The following ATP9B variants were observed in gnomAD, a reference collection of about 807,000 sequenced individuals.
The protein encoded by ATP9B is ATPase phospholipid transporting 9B, also known as probable phospholipid-transporting ATPase IIB.
A neutral mutation model predicts 146.1 loss-of-function variants in ATP9B; 110 were observed. That is an observed-to-expected ratio of 0.75 (90% confidence interval 0.65 to 0.88). The LOEUF (loss-of-function observed/expected upper bound fraction) is 0.88. Among genes scored for constraint, ATP9B ranks in the 40% least tolerant of loss-of-function variants. ATP9B has a pLI of 0.00. For missense variants in ATP9B, 1,499 were observed against 1,496.4 expected (o/e 1.00, Z -0.03); for synonymous variants, 604 against 569.7 (o/e 1.06, Z -0.86).
At chr18:79,363,471 C>T (rs1399191784) in intron 26 of ATP9B, 8 of 152,392 alleles carry the variant, frequency 5.2e-5, no homozygotes, top group South Asian at 2.1e-4. Context: ...GATTGAGAGA[C>T]GTAAACAGAT....
chr18:79,155,996 T>TCA (rs1410299429), intron 7 of ATP9B, among the ~76,000 whole-genome samples: 32 of 152,036 alleles, frequency 2.1e-4, no homozygotes, highest in Non-Finnish European at 8.8e-5. Context: ...TCTCCTGACC[T>TCA]TGTGATCCAC....
chr18:79,154,570 A>G lies in ATP9B; in HGVS notation c.778+15A>G. ...AGAAAAAGCAGGTATTTTTACATTT[A>G]AAAAAACTTACCTAACTGTATATTA... On this transcript the variant is annotated intron_variant, in intron 7 of 29. Coordinates refer to ENST00000426216, the MANE Select transcript of ATP9B (RefSeq NM_198531.5). 1 of 1,507,318 alleles carries G rather than the reference A, an allele frequency of 6.6e-7. No homozygotes were observed. 93.4% of individuals were successfully genotyped at this position (1,507,318 alleles called of 1,614,324 possible).
chr18:79,226,970 A>G (rs2095741536), intron 11 of ATP9B, among the ~76,000 whole-genome samples: 2 of 151,914 alleles, frequency 1.3e-5, no homozygotes, highest in South Asian at 2.1e-4. Flanking sequence ...TGGGCACCAT[A>G]TACTAGGCAC....
rs147316668 is a variant in ATP9B, at chr18:79,157,396, C to CAAAAAAAAAAAAAAAAAAA, written c.778+2851_778+2869dup. Among the ~76,000 whole-genome samples the CAAAAAAAAAAAAAAAAAAA allele has an allele frequency of 2.9e-4, 14 of 48,588 alleles. 1 individual carries two copies. The highest frequency in any genetic ancestry group is 1.4e-3 in the East Asian group (1 of 700). 31.9% of individuals were successfully genotyped at this position (48,588 alleles called of 152,430 possible). ...GGGTGACGAGAGTGAAACTCCATCT[C>CAAAAAAAAAAAAAAAAAAA]AAAAAAAAAAAAAAAAAAAAAAAAA... On this transcript the variant is annotated intron_variant, in intron 7 of 29. Transcript: ENST00000426216.
At chr18:79,344,410 G>T in intron 21 of ATP9B, 56 bp downstream of exon 21, 1 of 1,519,592 alleles carries the variant, frequency 6.6e-7, no homozygotes. Context: ...GGCAAGGCTG[G>T]TCCCTGGCTG....
chr18:79,349,363 C>T (rs896209581), intron 25 of ATP9B, among the ~76,000 whole-genome samples: 9 of 152,190 alleles, frequency 5.9e-5, no homozygotes, highest in African/African-American at 2.2e-4. Context: ...TCACCTTGTC[C>T]CCACTTCATG....
chr18:79,141,219 C>T (rs553655625), intron 5 of ATP9B, among the ~76,000 whole-genome samples: 97 of 152,228 alleles, frequency 6.4e-4, no homozygotes, highest in African/African-American at 2.3e-3. Context: ...TCCCTTTGCT[C>T]GGCACTTCTC....
At chr18:79,338,440 C>T in intron 19 of ATP9B, among the ~76,000 whole-genome samples, 1 of 152,228 alleles carries the variant, frequency 6.6e-6, no homozygotes, top group East Asian at 1.9e-4. Context: ...ATCCCATCTC[C>T]CAGCAGGCAG....
At chr18:79,328,665 T>TA (rs1462828001) in intron 15 of ATP9B, among the ~76,000 whole-genome samples, 1 of 152,198 alleles carries the variant, frequency 6.6e-6, no homozygotes, top group Non-Finnish European at 1.5e-5. Context: ...GACACATTAA[T>TA]AGAGTTAATT....
intron 29 of ATP9B, among the ~76,000 whole-genome samples, chr18:79,376,871 G>A (rs1418601420): frequency 6.6e-6 from 1 of 151,862 alleles, no homozygotes; most frequent in Middle Eastern, 3.2e-3. Flanking sequence ...ATGTTTTGTT[G>A]TCTTTTTTGT....
rs1255121436 is a variant in ATP9B at position 79,153,164 on chromosome 18, C to T, written c.727-1340C>T. Among the ~76,000 whole-genome samples the T allele has an allele frequency of 2.6e-5, 4 of 152,108 alleles. No homozygotes were observed. In the East Asian group the frequency reaches 7.7e-4, roughly 29 times the overall value. On this transcript the variant is annotated intron_variant, in intron 6 of 29. Coordinates refer to ENST00000426216, the MANE Select transcript of ATP9B (RefSeq NM_198531.5). ...TGACAATCCATTTACCATTTATTAT[C>T]CATTTATTTACCATGGGTAGATAAG...
In ATP9B at chr18:79,298,315, G is replaced by T. The variant is rs531702111; in HGVS notation, c.1412-5289G>T. 1.6e-4 allele frequency among the ~76,000 whole-genome samples: 24 copies of T among 146,748 alleles called. 3 individuals are homozygous for T. Among genetic ancestry groups the T allele is most frequent in the Non-Finnish European group, 2.9e-4 (19 of 66,128 alleles). ...AGAAACCAATGGTGTATCTACACTT[G>T]CAGTGAATATGTGCCAGCTGAGATG... On this transcript the variant is annotated intron_variant, in intron 13 of 29. Transcript: ENST00000426216.
At chr18:79,219,567 C>A (rs73000202) in intron 11 of ATP9B, among the ~76,000 whole-genome samples, 1 of 151,924 alleles carries the variant, frequency 6.6e-6, no homozygotes, top group African/African-American at 2.4e-5. Flanking sequence ...TATAGAATTA[C>A]ATGGCCACCA....
Position 79,228,466 on chromosome 18 carries a change from A to G in ATP9B, c.1107+14428A>G, listed in dbSNP as rs1057392845. 6.6e-5 allele frequency among the ~76,000 whole-genome samples: 10 copies of G among 152,342 alleles called. No homozygotes were observed. The East Asian group carries it at 1.7e-3, about 26-fold the overall frequency. ...GCCTTCCTTTCTAAATCTGTTGTTC[A>G]GTAAACAAAATAATCCCTGTTTAAG... On this transcript the variant is annotated intron_variant, in intron 11 of 29. Coordinates refer to ENST00000426216, the MANE Select transcript of ATP9B (RefSeq NM_198531.5).
chr18:79,321,235 A>AC (rs2096714132), intron 15 of ATP9B, among the ~76,000 whole-genome samples: 1 of 152,238 alleles, frequency 6.6e-6, no homozygotes, highest in African/African-American at 2.4e-5. Flanking sequence ...TGTCCGTGGG[A>AC]ACCAGCCGTT....
chr18:79,245,640 C>A (rs2095941662), intron 11 of ATP9B, among the ~76,000 whole-genome samples: 1 of 147,870 alleles, frequency 6.8e-6, no homozygotes, highest in Non-Finnish European at 1.5e-5. Context: ...GGGTACCGCC[C>A]TACTGACTGA....
intron 15 of ATP9B, among the ~76,000 whole-genome samples, chr18:79,318,725 C>G (rs753915253): frequency 5.3e-5 from 8 of 152,300 alleles, no homozygotes; most frequent in African/African-American, 1.4e-4. Flanking sequence ...AATAAAAGTT[C>G]AGATATGTTT....
At chr18:79,090,076 A>G (rs1224281225) in intron 1 of ATP9B, among the ~76,000 whole-genome samples, 2 of 152,096 alleles carry the variant, frequency 1.3e-5, no homozygotes, top group Admixed American at 6.5e-5. Flanking sequence ...CTTTTGTTCC[A>G]TTGATGTTGA....
In ATP9B at chr18:79,126,253, A is replaced by G. The variant is rs370966786; in HGVS notation, c.559-14A>G. The stretch of plus-strand genomic sequence containing the variant: ...AAGTTTAGTTTTCTAAAAATACCTT[A>G]TTTTGTTTTATAGGGATTTGTCTTG... On this transcript the variant is annotated splice_polypyrimidine_tract_variant and intron_variant, in intron 4 of 29. Coordinates refer to ENST00000426216, the MANE Select transcript of ATP9B (RefSeq NM_198531.5). The G allele has an allele frequency of 1.9e-6, 3 of 1,576,922 alleles. No individual in the cohort carries two copies. Among genetic ancestry groups the G allele is most frequent in the African/African-American group, 2.7e-5 (2 of 74,112 alleles).
Sources: gnomAD v4.1 joint callset for allele counts (sites outside exome capture counted in the v4.1 genomes callset) on GRCh38, gnomAD v4.1.1 for gene constraint, MANE v1.5 for transcripts, NCBI Gene and HGNC (gene_info 2026-07-23, HGNC 2026-07-21) for gene names.